DCUN1D5: variants seen among roughly 807,000 people sequenced by gnomAD.
The protein encoded by DCUN1D5 is defective in cullin neddylation 1 domain containing 5, also known as DCN1-like protein 5.
DCUN1D5 carries 10 observed loss-of-function variants against 38.3 expected under a neutral mutation model. The ratio of observed to expected loss-of-function variants is 0.26; its 90% CI spans 0.16 to 0.44. DCUN1D5 has a LOEUF of 0.44. Among genes scored for constraint, DCUN1D5 ranks in the 20% least tolerant of loss-of-function variants. DCUN1D5 has a pLI of 1.00. For synonymous variants in DCUN1D5, 93 were observed against 90.9 expected (o/e 1.02, Z -0.13); for missense variants, 148 against 275.3 (o/e 0.54, Z 3.27).
In DCUN1D5 at chr11:103,061,378, A is replaced by G. The variant is rs1363538431; in HGVS notation, c.*981T>C. On this transcript the variant is annotated 3_prime_UTR_variant, in exon 8 of 8. Transcript: ENST00000260247. ...CTGCTAGTACAAAAGTGCCTTTTAC[A>G]TGAATTAGGAAAGCCTTCCCTTTCC... Among the ~76,000 whole-genome samples the G allele has an allele frequency of 2.0e-5, 3 of 152,270 alleles. No homozygotes were observed. The highest frequency in any genetic ancestry group is 3.9e-4 in the East Asian group (2 of 5,186).
chr11:103,082,121 C>T (rs749972767), intron 4 of DCUN1D5, among the ~76,000 whole-genome samples: 1 of 152,112 alleles, frequency 6.6e-6, no homozygotes, highest in Non-Finnish European at 1.5e-5. Flanking sequence ...AAGCACACTT[C>T]ATTCAGGAAA....
chr11:103,074,460 G>A (rs1348348629), intron 4 of DCUN1D5, among the ~76,000 whole-genome samples: 1 of 152,142 alleles, frequency 6.6e-6, no homozygotes, highest in African/African-American at 2.4e-5. Flanking sequence ...CCAGGCTGGA[G>A]TGCAGTGGTG....
chr11:103,063,496 A>T lies in DCUN1D5; in HGVS notation c.658+779T>A, dbSNP rs971465969. On this transcript the variant is annotated intron_variant, in intron 7 of 7. Transcript: ENST00000260247. The surrounding 1 kb of genome is among the most constrained non-coding windows in gnomAD (Gnocchi z 4.6). ...AGAGGACAAAATATATGTGGGAAGA[A>T]ATAAAGTTATCCCTTCTTCTGTTAT... Among the ~76,000 whole-genome samples, 1 of 152,126 alleles carries T rather than the reference A, an allele frequency of 6.6e-6. No individual in the cohort carries two copies. Among genetic ancestry groups the T allele is most frequent in the Non-Finnish European group, 1.5e-5 (1 of 67,986 alleles).
rs754513769 is a variant in DCUN1D5, at chr11:103,091,641, G to C, written c.86+146C>G. 6 of 1,473,036 alleles carry C rather than the reference G, an allele frequency of 4.1e-6. No individual in the cohort carries two copies. In the African/African-American group the frequency reaches 4.2e-5, roughly 10 times the overall value. The allele number at this position is 1,473,036 out of a possible 1,614,324, so 91.2% of individuals were successfully genotyped here. ...GGTCGGGTCGGGCGCGGAGACTCGC[G>C]GTGTTCGGCACCTACAGCCTAGCTC... On this transcript the variant is annotated intron_variant, in intron 1 of 7. Coordinates refer to ENST00000260247, the MANE Select transcript of DCUN1D5 (RefSeq NM_032299.4). The surrounding 1 kb of genome is among the most constrained non-coding windows in gnomAD (Gnocchi z 4.3).
At chr11:103,068,850 A>AAG (rs935822316) in intron 4 of DCUN1D5, among the ~76,000 whole-genome samples, 2 of 151,928 alleles carry the variant, frequency 1.3e-5, no homozygotes, top group Non-Finnish European at 2.9e-5. Context: ...AAAAAAAAAA[A>AAG]AGATCTTACA....
rs1862073623 is a variant in DCUN1D5, at chr11:103,063,883, A to T, written c.658+392T>A. Among the ~76,000 whole-genome samples the T allele has an allele frequency of 6.6e-6, 1 of 152,150 alleles. No individual in the cohort carries two copies. The highest frequency in any genetic ancestry group is 2.4e-5 in the African/African-American group (1 of 41,446). On this transcript the variant is annotated intron_variant, in intron 7 of 7. Transcript: ENST00000260247. This position sits in a 1 kb window ranked among gnomAD's most constrained non-coding sequence, Gnocchi z 4.6. ...TGCCATATTGTTAATGGGTAGCATA[A>T]TATTACAATAATGTTAAAGCTTTTT...
intron 4 of DCUN1D5, among the ~76,000 whole-genome samples, chr11:103,069,997 C>T (rs997842879): frequency 5.3e-5 from 8 of 151,702 alleles, no homozygotes; most frequent in African/African-American, 1.9e-4. Context: ...TACTTGCAAC[C>T]ACCAAAATGA....
Position 103,057,059 on chromosome 11 carries a change from C to T in DCUN1D5, c.*5300G>A, listed in dbSNP as rs1393287594. 1.3e-5 allele frequency among the ~76,000 whole-genome samples: 2 copies of T among 152,074 alleles called. No homozygotes were observed. Among genetic ancestry groups the T allele is most frequent in the Admixed American group, 6.5e-5 (1 of 15,272 alleles). On this transcript the variant is annotated 3_prime_UTR_variant, in exon 8 of 8. Coordinates refer to ENST00000260247, the MANE Select transcript of DCUN1D5 (RefSeq NM_032299.4). The surrounding 1 kb of genome is among the most constrained non-coding windows in gnomAD (Gnocchi z 4.8). The stretch of plus-strand genomic sequence containing the variant: ...TCAAACTCAGGTTTCTCAGATAATA[C>T]TTCTATAAACTCTCTCTCAATAGGC...
intron 2 of DCUN1D5, among the ~76,000 whole-genome samples, chr11:103,085,459 G>C (rs892041299): frequency 6.6e-6 from 1 of 152,092 alleles, no homozygotes; most frequent in Non-Finnish European, 1.5e-5. Flanking sequence ...AAATAAAAAA[G>C]AAATATCAGT....
Position 103,071,755 on chromosome 11 carries a change from T to C in DCUN1D5, c.342-5188A>G, listed in dbSNP as rs1422930512. 1.3e-5 allele frequency among the ~76,000 whole-genome samples: 2 copies of C among 151,156 alleles called. No individual in the cohort carries two copies. The highest frequency in any genetic ancestry group is 3.0e-5 in the Non-Finnish European group (2 of 67,680). On this transcript the variant is annotated intron_variant, in intron 4 of 7. Coordinates refer to ENST00000260247, the MANE Select transcript of DCUN1D5 (RefSeq NM_032299.4). This position sits in a 1 kb window ranked among gnomAD's most constrained non-coding sequence, Gnocchi z 4.1. ...ACAGTAGTCTGAGTAGACCTGTTAT[T>C]ATTAACGAAATTGAACTCAAAATTT...
Position 103,091,510 on chromosome 11 carries a change from A to C in DCUN1D5, c.86+277T>G. The C allele has an allele frequency of 4.9e-6, 2 of 411,774 alleles. No individual in the cohort carries two copies. The highest frequency in any genetic ancestry group is 4.5e-6 in the Non-Finnish European group (1 of 221,946). The allele number at this position is 411,774 out of a possible 1,614,324, so 25.5% of individuals were successfully genotyped here. The stretch of plus-strand genomic sequence containing the variant: ...GGGGGTGGGGGTGGGGGGAAGCGCA[A>C]TTTACATATGCATCTGTTCCCCACC... On this transcript the variant is annotated intron_variant, in intron 1 of 7. Coordinates refer to ENST00000260247, the MANE Select transcript of DCUN1D5 (RefSeq NM_032299.4). This position sits in a 1 kb window ranked among gnomAD's most constrained non-coding sequence, Gnocchi z 4.3.
At position 103,071,164 on chromosome 11, in the gene DCUN1D5, G is replaced by A. The variant is rs1321601006; in HGVS notation, c.342-4597C>T. 6.6e-6 allele frequency among the ~76,000 whole-genome samples: 1 copy of A among 151,864 alleles called. No homozygotes were observed. Among genetic ancestry groups the A allele is most frequent in the East Asian group, 1.9e-4 (1 of 5,192 alleles). The stretch of plus-strand genomic sequence containing the variant: ...ACCTCTAGAACCCAGAAAAAGAAAG[G>A]CAAAATAAACAAACCAAACAGGACA... On this transcript the variant is annotated intron_variant, in intron 4 of 7. Transcript: ENST00000260247. The surrounding 1 kb of genome is among the most constrained non-coding windows in gnomAD (Gnocchi z 4.1).
Position 103,091,726 on chromosome 11 carries a change from TCC to T in DCUN1D5, c.86+59_86+60del. On this transcript the variant is annotated intron_variant, in intron 1 of 7. Transcript: ENST00000260247. The surrounding 1 kb of genome is among the most constrained non-coding windows in gnomAD (Gnocchi z 4.3). ...CCGGCAGGCCGGGCCCGACTCCTTT[TCC>T]TCCAGTTGTCCAGCAAAGGAGGGAG... 1 of 1,612,430 alleles carries T rather than the reference TCC, an allele frequency of 6.2e-7. No homozygotes were observed. Among genetic ancestry groups the T allele is most frequent in the Non-Finnish European group, 8.5e-7 (1 of 1,179,124 alleles).
rs1033353415 is a variant in DCUN1D5 at position 103,050,997 on chromosome 11, G to A, written c.*11362C>T. 3.3e-5 allele frequency: 5 copies of A among 152,180 alleles called. No individual in the cohort carries two copies. Among genetic ancestry groups the A allele is most frequent in the African/African-American group, 1.2e-4 (5 of 41,440 alleles). The allele number at this position is 152,180 out of a possible 1,614,324, so 9.4% of individuals were successfully genotyped here. ...AAACCCTCCATGTCTACAGGATGCA[G>A]TAGAGATCTTGGGCATTCCAGAGAC... On this transcript the variant is annotated 3_prime_UTR_variant, in exon 8 of 8. Coordinates refer to ENST00000260247, the MANE Select transcript of DCUN1D5 (RefSeq NM_032299.4).
At chr11:103,090,858 G>A (rs988333089) in intron 1 of DCUN1D5, among the ~76,000 whole-genome samples, 2 of 152,210 alleles carry the variant, frequency 1.3e-5, no homozygotes, top group African/African-American at 4.8e-5. Flanking sequence ...GTTGCAGTAA[G>A]CGGAGATCGC....
rs1380686758 is a variant in DCUN1D5, at chr11:103,057,619, T to G, written c.*4740A>C. 6.6e-6 allele frequency among the ~76,000 whole-genome samples: 1 copy of G among 151,508 alleles called. No individual in the cohort carries two copies. Among genetic ancestry groups the G allele is most frequent in the African/African-American group, 2.4e-5 (1 of 41,306 alleles). ...TCTGTAATCCCAGCTACTTGGGAGG[T>G]TGACGCACGAGAATCTCTTGAACCC... On this transcript the variant is annotated 3_prime_UTR_variant, in exon 8 of 8. Transcript: ENST00000260247. This position sits in a 1 kb window ranked among gnomAD's most constrained non-coding sequence, Gnocchi z 4.8.
Position 103,065,455 on chromosome 11 carries a change from C to T in DCUN1D5, c.555+814G>A, listed in dbSNP as rs112790848. On this transcript the variant is annotated intron_variant, in intron 6 of 7. Coordinates refer to ENST00000260247, the MANE Select transcript of DCUN1D5 (RefSeq NM_032299.4). The surrounding 1 kb of genome is among the most constrained non-coding windows in gnomAD (Gnocchi z 4.6). ...TACAGGCGTGTGCCACCACGCCCAG[C>T]TGATATCACTGTCTTGTATCACAAC... Among the ~76,000 whole-genome samples, 1,070 of 152,254 alleles carry T rather than the reference C, an allele frequency of 7.0e-3. 9 individuals carry two copies. The highest frequency in any genetic ancestry group is 0.024 in the African/African-American group (1,011 of 41,556).
chr11:103,065,931 A>AT lies in DCUN1D5; in HGVS notation c.555+337dup, dbSNP rs1041544255. Among the ~76,000 whole-genome samples, 15 of 152,144 alleles carry AT rather than the reference A, an allele frequency of 9.9e-5. No individual in the cohort carries two copies. Among genetic ancestry groups the AT allele is most frequent in the Non-Finnish European group, 2.2e-4 (15 of 68,034 alleles). Reference sequence around the variant, plus strand: ...CTGTGTAACAAAAGAAGAAAATCAGATTTAGAAGCTTAAAGGTTTGTGTAC... The same window carrying AT: ...CTGTGTAACAAAAGAAGAAAATCAGATTTTAGAAGCTTAAAGGTTTGTGTAC... On this transcript the variant is annotated intron_variant, in intron 6 of 7. Coordinates refer to ENST00000260247, the MANE Select transcript of DCUN1D5 (RefSeq NM_032299.4). The surrounding 1 kb of genome is among the most constrained non-coding windows in gnomAD (Gnocchi z 4.6).
intron 4 of DCUN1D5, among the ~76,000 whole-genome samples, chr11:103,076,134 T>G (rs1862401906): frequency 6.6e-6 from 1 of 152,236 alleles, no homozygotes; most frequent in South Asian, 2.1e-4. Flanking sequence ...GGATGCCTCC[T>G]GACATTCAAA....
Sources: gnomAD v4.1 joint callset for allele counts (sites outside exome capture counted in the v4.1 genomes callset) on GRCh38, gnomAD v4.1.1 for gene constraint, Gnocchi (gnomAD v3.1) non-coding constraint, MANE v1.5 for transcripts, NCBI Gene and HGNC (gene_info 2026-07-23, HGNC 2026-07-21) for gene names.